Variants in SPTBN2 observed in about 807,000 individuals in gnomAD.
The protein encoded by SPTBN2 is spectrin beta chain, non-erythrocytic 2.
SPTBN2 carries 107 observed loss-of-function variants against 284.2 expected under a neutral mutation model. That is an observed-to-expected ratio of 0.38 (90% CI 0.32 to 0.44). The LOEUF is 0.44. Among genes scored for constraint, SPTBN2 ranks in the 20% least tolerant of loss-of-function variants. The pLI, the probability that SPTBN2 is intolerant of heterozygous loss-of-function variation, is 1.00. For synonymous variants in SPTBN2, 1,289 were observed against 1,354.8 expected (o/e 0.95, Z 1.07); for missense variants, 2,569 against 3,287.1 (o/e 0.78, Z 5.34).
At chr11:66,716,059 G>A in intron 3 of SPTBN2, 78 bp from the exon 4 acceptor site, 2 of 1,600,024 alleles carry the variant, frequency 1.2e-6, no homozygotes, top group South Asian at 1.1e-5. Flanking sequence ...GCAGGGGTGG[G>A]GGATGGAGAA....
chr11:66,714,967 T>C (rs904050827), intron 5 of SPTBN2, among the ~76,000 whole-genome samples: 3 of 152,146 alleles, frequency 2.0e-5, no homozygotes, highest in Admixed American at 6.5e-5. Context: ...CCTGGTCCCA[T>C]TGCACACGAC....
intron 1 of SPTBN2, among the ~76,000 whole-genome samples, chr11:66,725,623 T>C (rs1351147643): frequency 6.6e-6 from 1 of 152,190 alleles, no homozygotes; most frequent in African/African-American, 2.4e-5. Flanking sequence ...GGTGGTGCAG[T>C]AGCTAATCCA....
chr11:66,739,142 T>C (rs1168729957), intron 1 of SPTBN2, among the ~76,000 whole-genome samples: 2 of 151,904 alleles, frequency 1.3e-5, no homozygotes, highest in African/African-American at 4.8e-5. Context: ...GGTCTCATTA[T>C]GTTGTCCAGG....
chr11:66,737,206 A>G (rs1942856284), intron 1 of SPTBN2, among the ~76,000 whole-genome samples: 1 of 152,120 alleles, frequency 6.6e-6, no homozygotes, highest in African/African-American at 2.4e-5. Context: ...TTTGCATAAA[A>G]TGTTAAAGGG....
intron 5 of SPTBN2, 89 bp from the exon 6 acceptor site, chr11:66,714,496 C>T: frequency 8.5e-7 from 1 of 1,174,812 alleles, no homozygotes; most frequent in Middle Eastern, 1.9e-4. Context: ...GGAAACTGCT[C>T]TTTAGACTGT....
chr11:66,696,396 G>A lies in SPTBN2; in HGVS notation c.4159C>T (p.Leu1387=), dbSNP rs1940912026. 1 of 1,613,200 alleles carries A rather than the reference G, an allele frequency of 6.2e-7. No individual in the cohort carries two copies. Among genetic ancestry groups the A allele is most frequent in the Non-Finnish European group, 8.5e-7 (1 of 1,180,032 alleles). The change falls in exon 21 of 38, where the codon CTG becomes TTG. Residue 1387 remains leucine, a synonymous_variant. Transcript: ENST00000533211. ...AGGGCACAGCAGCTCTGGGCAAACAGCTCAGCTCGGTTGGCATCAAAGAGG... is the reference window on the plus strand; with the variant it reads ...AGGGCACAGCAGCTCTGGGCAAACAACTCAGCTCGGTTGGCATCAAAGAGG... ...RSLFDANRAE[L]FAQSCCALES...
intron 1 of SPTBN2, among the ~76,000 whole-genome samples, chr11:66,741,748 T>C (rs2135616196): frequency 6.6e-6 from 1 of 152,318 alleles, no homozygotes; most frequent in South Asian, 2.1e-4. Context: ...AGATAACTGA[T>C]AATTTCCAAA....
At chr11:66,714,568 A>G (rs144152047) in intron 5 of SPTBN2, among the ~76,000 whole-genome samples, 161 bp from the exon 6 acceptor site, 1 of 152,260 alleles carries the variant, frequency 6.6e-6, no homozygotes, top group East Asian at 1.9e-4. Flanking sequence ...ACCACAAAAC[A>G]CTGGGTGCAA....
chr11:66,744,049 C>T (rs1357740067), intron 1 of SPTBN2, among the ~76,000 whole-genome samples: 1 of 151,974 alleles, frequency 6.6e-6, no homozygotes, highest in Non-Finnish European at 1.5e-5. Context: ...TCAGTAGAGA[C>T]GGGGTTTCAC....
upstream of SPTBN2, among the ~76,000 whole-genome samples, chr11:66,732,479 T>C (rs1942820165): frequency 6.6e-6 from 1 of 151,526 alleles, no homozygotes; most frequent in African/African-American, 2.4e-5. Context: ...GAAACCCCTT[T>C]TCTACTAAAA....
At position 66,703,374 on chromosome 11, in the gene SPTBN2, G is replaced by T. The variant is rs182379387; in HGVS notation, c.2678+1224C>A. 3.8e-3 allele frequency among the ~76,000 whole-genome samples: 576 copies of T among 152,058 alleles called. 4 individuals are homozygous for T. The highest frequency in any genetic ancestry group is 5.5e-3 in the Non-Finnish European group (374 of 67,972). ...TGGGATTACAGGTGTGAGCCACCAG[G>T]CCTGACCTAATTATATTTTTTTAAA... is the stretch of plus-strand genomic sequence containing the variant. On this transcript the variant is annotated intron_variant, in intron 15 of 37. Coordinates refer to ENST00000533211, the MANE Select transcript of SPTBN2 (RefSeq NM_006946.4).
chr11:66,715,103 G>T lies in SPTBN2; in HGVS notation c.483+119C>A. ...CTTGGATAGCGCCGCCATGGCAGCT[G>T]CTACATAAGGTTCTAGATCCTCCAT... is the stretch of plus-strand genomic sequence containing the variant. On this transcript the variant is annotated intron_variant, in intron 5 of 37. Coordinates refer to ENST00000533211, the MANE Select transcript of SPTBN2 (RefSeq NM_006946.4). The surrounding 1 kb of genome is among the most constrained non-coding windows in gnomAD (Gnocchi z 5.3). 1 of 1,315,702 alleles carries T rather than the reference G, an allele frequency of 7.6e-7. No individual in the cohort carries two copies. The highest frequency in any genetic ancestry group is 1.1e-6 in the Non-Finnish European group (1 of 929,308). The allele number at this position is 1,315,702 out of a possible 1,614,324, so 81.5% of individuals were successfully genotyped here. A position where few individuals can be genotyped will look rare whatever the true frequency, so the allele number is the denominator to read the frequency against.
At chr11:66,737,820 A>G (rs903180522) in intron 1 of SPTBN2, among the ~76,000 whole-genome samples, 1 of 152,226 alleles carries the variant, frequency 6.6e-6, no homozygotes, top group Non-Finnish European at 1.5e-5. Context: ...AAGGAGGTAG[A>G]GAGAAGCTAA....
chr11:66,728,517 A>T (rs1425073036), intron 1 of SPTBN2: 1 of 147,110 alleles, frequency 6.8e-6, no homozygotes, highest in Non-Finnish European at 1.5e-5. Flanking sequence ...TTCCCCGCCC[A>T]GCGCCATGGC....
Position 66,715,779 on chromosome 11 carries a change from C to T in SPTBN2, c.309+51G>A. ...GAGGGCTGTTCTTCCAGCTGGTCCC[C>T]TTGGACACTTTTCTAAGGCCCCCCC... On this transcript the variant is annotated intron_variant, in intron 4 of 37. Transcript: ENST00000533211. The surrounding 1 kb of genome is among the most constrained non-coding windows in gnomAD (Gnocchi z 5.3). 6.2e-7 allele frequency: 1 copy of T among 1,606,872 alleles called. No homozygotes were observed. The highest frequency in any genetic ancestry group is 8.5e-7 in the Non-Finnish European group (1 of 1,177,330).
intron 3 of SPTBN2, among the ~76,000 whole-genome samples, chr11:66,720,815 G>C (rs1384558291): frequency 6.6e-6 from 1 of 152,174 alleles, no homozygotes; most frequent in Non-Finnish European, 1.5e-5. Context: ...CGGGGGCTGA[G>C]GCCAGAGAGG....
In SPTBN2 at chr11:66,705,457, A is replaced by G. The variant is rs1184987178; in HGVS notation, c.1819T>C (p.Cys607Arg). 1.2e-6 allele frequency: 2 copies of G among 1,612,910 alleles called. No individual in the cohort carries two copies. Among genetic ancestry groups the G allele is most frequent in the Non-Finnish European group, 1.7e-6 (2 of 1,180,028 alleles). The stretch of plus-strand genomic sequence containing the variant: ...CGCTCCGACACCAGCTGCGGGTCGC[A>G]AGGTCTATACTCTGAGAAAGTCACA... Reference protein sequence around the residue: ...FCNPGKEYRPCDPQLVSERVA... With the variant: ...FCNPGKEYRPRDPQLVSERVA... Residue 607 changes from cysteine to arginine, a missense_variant, in exon 15 of 38, where the codon TGC becomes CGC. This residue lies in a region of SPTBN2 where 1,012 missense variants were observed against 1,248.9 expected (regional missense o/e 0.81). Coordinates refer to ENST00000533211, the MANE Select transcript of SPTBN2 (RefSeq NM_006946.4).
chr11:66,690,562 C>A (rs1473388368), intron 27 of SPTBN2, among the ~76,000 whole-genome samples: 1 of 152,090 alleles, frequency 6.6e-6, no homozygotes, highest in Non-Finnish European at 1.5e-5. Flanking sequence ...TGTGATAGAC[C>A]TTGGAGATTG....
upstream of SPTBN2, among the ~76,000 whole-genome samples, chr11:66,732,270 A>G (rs1051502408): frequency 2.0e-5 from 3 of 152,190 alleles, no homozygotes; most frequent in African/African-American, 7.2e-5. Flanking sequence ...TTTTAACCCA[A>G]TCTGACCCTT....
Sources: gnomAD v4.1 joint callset for allele counts (sites outside exome capture counted in the v4.1 genomes callset) on GRCh38, gnomAD v4.1.1 for gene constraint, gnomAD v4.1.1 regional missense constraint, Gnocchi (gnomAD v3.1) non-coding constraint, MANE v1.5 for transcripts, NCBI Gene and HGNC (gene_info 2026-07-23, HGNC 2026-07-21) for gene names.